Variants in SLC24A2 observed in about 807,000 individuals in gnomAD.
The protein encoded by SLC24A2 is sodium/potassium/calcium exchanger 2.
In SLC24A2, 36 loss-of-function variants were observed where a neutral mutation model predicts 62.0. That is an observed-to-expected ratio of 0.58 (90% confidence interval 0.44 to 0.77). The LOEUF is 0.77. Ranked by LOEUF, SLC24A2 falls within the 30% of genes least tolerant of loss-of-function variation. The pLI is 0.00. For synonymous variants in SLC24A2, 358 were observed against 294.0 expected (o/e 1.22, Z -2.23); for missense variants, 846 against 817.9 (o/e 1.03, Z -0.42).
At chr9:19,563,097 C>A (rs1027246836) in intron 7 of SLC24A2, among the ~76,000 whole-genome samples, 5 of 152,074 alleles carry the variant, frequency 3.3e-5, no homozygotes, top group African/African-American at 1.2e-4. Context: ...TGGTGCAAGA[C>A]CCCAACTCTA....
intron 9 of SLC24A2, among the ~76,000 whole-genome samples, chr9:19,524,721 T>C (rs1470091281): frequency 1.3e-5 from 2 of 152,208 alleles, no homozygotes; most frequent in African/African-American, 2.4e-5. Flanking sequence ...AAGGCTTCCA[T>C]TTATGGCTTT....
chr9:19,523,307 C>T (rs375230467), intron 9 of SLC24A2, among the ~76,000 whole-genome samples: 3 of 152,152 alleles, frequency 2.0e-5, no homozygotes, highest in Non-Finnish European at 4.4e-5. Flanking sequence ...ACTCCTAGTG[C>T]AAGTTAGACA....
chr9:19,547,306 T>C (rs1049981499), intron 8 of SLC24A2, among the ~76,000 whole-genome samples: 20 of 152,300 alleles, frequency 1.3e-4, no homozygotes, highest in African/African-American at 4.6e-4. Context: ...CCCCGCTGGC[T>C]ACCCTGCCCA....
the SLC24A2 span, among the ~76,000 whole-genome samples, chr9:20,084,005 G>A: frequency 4.6e-5 from 7 of 152,256 alleles, no homozygotes; most frequent in South Asian, 1.2e-3. Context: ...GAGCAATATT[G>A]CAAATAATAA....
chr9:20,180,983 A>T, the SLC24A2 span, among the ~76,000 whole-genome samples: 1 of 152,102 alleles, frequency 6.6e-6, no homozygotes, highest in Non-Finnish European at 1.5e-5. Context: ...CCTCTTTGGC[A>T]GCTCTCTTTG....
At chr9:20,029,941 T>C in the SLC24A2 span, among the ~76,000 whole-genome samples, 2 of 152,174 alleles carry the variant, frequency 1.3e-5, no homozygotes, top group African/African-American at 2.4e-5. Flanking sequence ...AAGGGTGCTG[T>C]GGCAGCATAG....
upstream of SLC24A2, among the ~76,000 whole-genome samples, chr9:19,789,387 C>T (rs1302145887): frequency 1.3e-5 from 2 of 152,222 alleles, no homozygotes; most frequent in Admixed American, 6.5e-5. Context: ...AGCAGTCGCG[C>T]TTTTCTTTAG....
chr9:19,726,023 T>A (rs879465454), intron 2 of SLC24A2, among the ~76,000 whole-genome samples: 1 of 152,152 alleles, frequency 6.6e-6, no homozygotes, highest in African/African-American at 2.4e-5. Flanking sequence ...GGAATATTTA[T>A]AAACACTGTG....
chr9:20,099,890 T>C, the SLC24A2 span, among the ~76,000 whole-genome samples: 6 of 152,204 alleles, frequency 3.9e-5, no homozygotes, highest in Non-Finnish European at 8.8e-5. Context: ...CCACCACTCA[T>C]GGGAATTTCA....
At chr9:20,178,977 A>C in the SLC24A2 span, among the ~76,000 whole-genome samples, 10 of 152,122 alleles carry the variant, frequency 6.6e-5, no homozygotes, top group Non-Finnish European at 2.9e-5. Flanking sequence ...CTGTGTCCAA[A>C]ATCACACTTC....
the SLC24A2 span, among the ~76,000 whole-genome samples, chr9:20,089,522 G>A: frequency 9.4e-4 from 143 of 152,102 alleles, 1 homozygote; most frequent in Middle Eastern, 3.4e-3. Flanking sequence ...ATACAAAGAG[G>A]AGTCTAGCCC....
chr9:19,895,281 A>G, the SLC24A2 span, among the ~76,000 whole-genome samples: 1 of 149,486 alleles, frequency 6.7e-6, no homozygotes, highest in Non-Finnish European at 1.5e-5. Context: ...ATAAAACACT[A>G]TTACATCAAA....
chr9:19,602,735 G>T (rs1836874969), intron 4 of SLC24A2, among the ~76,000 whole-genome samples: 1 of 152,170 alleles, frequency 6.6e-6, no homozygotes, highest in African/African-American at 2.4e-5. Flanking sequence ...TACCTGTGTG[G>T]TCTTGGGTAA....
chr9:20,169,570 A>G, the SLC24A2 span, among the ~76,000 whole-genome samples: 33 of 152,150 alleles, frequency 2.2e-4, 1 homozygote, highest in East Asian at 4.7e-3. Flanking sequence ...GATTGGATCC[A>G]GAAGAGAGAT....
chr9:20,242,079 C>G, the SLC24A2 span, among the ~76,000 whole-genome samples: 2 of 152,208 alleles, frequency 1.3e-5, no homozygotes, highest in African/African-American at 4.8e-5. Context: ...ACTAACGCGC[C>G]AGCAGGTGCT....
intron 3 of SLC24A2, among the ~76,000 whole-genome samples, chr9:19,621,106 A>G (rs1817897831): frequency 6.6e-6 from 1 of 152,258 alleles, no homozygotes; most frequent in Non-Finnish European, 1.5e-5. Flanking sequence ...CAGTGTTTCC[A>G]AACTATTATC....
intron 4 of SLC24A2, among the ~76,000 whole-genome samples, chr9:19,603,447 A>G (rs1009034271): frequency 4.6e-5 from 7 of 152,054 alleles, no homozygotes; most frequent in African/African-American, 1.7e-4. Context: ...GGTTTCTTTC[A>G]TAGAAACAGG....
rs114889235 is a variant in SLC24A2 at position 19,648,505 on chromosome 9, C to A, written c.931-26206G>T. Among the ~76,000 whole-genome samples the A allele has an allele frequency of 8.0e-3, 1,211 of 152,198 alleles. 20 individuals are homozygous for A. The highest frequency in any genetic ancestry group is 0.028 in the African/African-American group (1,155 of 41,514). On this transcript the variant is annotated intron_variant, in intron 2 of 10. Transcript: ENST00000341998. Reference sequence around the variant, plus strand: ...AATTTGGCTAAAACTAGAACCTACACCAACATAATAGAAAGCTAGGTAACA... The same window carrying A: ...AATTTGGCTAAAACTAGAACCTACAACAACATAATAGAAAGCTAGGTAACA...
At chr9:20,193,830 T>C in the SLC24A2 span, among the ~76,000 whole-genome samples, 3 of 152,160 alleles carry the variant, frequency 2.0e-5, no homozygotes, top group African/African-American at 7.2e-5. Flanking sequence ...GGTTTTTGTT[T>C]TGTTTTGTTT....
Sources: allele counts gnomAD v4.1 joint callset (sites outside exome capture counted in the v4.1 genomes callset), GRCh38; gene constraint gnomAD v4.1.1; transcripts MANE v1.5; gene names NCBI Gene and HGNC (gene_info 2026-07-23, HGNC 2026-07-21).